Variants in HIVEP1 observed in about 807,000 individuals in gnomAD.
The protein encoded by HIVEP1 is HIVEP zinc finger 1.
HIVEP1 carries 36 observed loss-of-function variants against 180.0 expected under a neutral mutation model. The ratio of observed to expected loss-of-function variants is 0.20; its 90% confidence interval spans 0.15 to 0.26. The LOEUF is 0.26. Ranked by LOEUF, HIVEP1 falls within the 10% of genes least tolerant of loss-of-function variation. HIVEP1 has a pLI of 1.00. For missense variants in HIVEP1, 3,143 were observed against 3,268.7 expected, an observed-to-expected ratio of 0.96 and a Z score of 0.94; for synonymous variants, 1,239 against 1,239.0, an observed-to-expected ratio of 1.00 and a Z score of 0.00.
At chr6:12,203,769 A>C in the HIVEP1 span, among the ~76,000 whole-genome samples, 1 of 152,290 alleles carries the variant, frequency 6.6e-6, no homozygotes, top group Non-Finnish European at 1.5e-5. Context: ...ATCTTGGTAC[A>C]ATTGTGGCTT....
chr6:12,197,153 G>A, the HIVEP1 span, among the ~76,000 whole-genome samples: 1 of 152,142 alleles, frequency 6.6e-6, no homozygotes, highest in Non-Finnish European at 1.5e-5. Context: ...AAGTATGTCT[G>A]GCCTTGTCAA....
intron 3 of HIVEP1, among the ~76,000 whole-genome samples, chr6:12,109,236 G>A (rs183180295): frequency 6.6e-6 from 1 of 151,838 alleles, no homozygotes; most frequent in Non-Finnish European, 1.5e-5. Flanking sequence ...CTCGTGTTCC[G>A]CCCGCCTCAG....
At chr6:12,031,267 GTA>G (rs746433339) in intron 2 of HIVEP1, among the ~76,000 whole-genome samples, 23 of 152,148 alleles carry the variant, frequency 1.5e-4, no homozygotes, top group Non-Finnish European at 2.6e-4. Flanking sequence ...CTTTGTGTGT[GTA>G]TGCCCAGGCT....
At chr6:12,045,482 AG>A (rs1770064036) in intron 2 of HIVEP1, among the ~76,000 whole-genome samples, 1 of 152,252 alleles carries the variant, frequency 6.6e-6, no homozygotes, top group African/African-American at 2.4e-5. Context: ...GGTAGAAAGG[AG>A]GCCCAGGACC....
intron 2 of HIVEP1, chr6:12,020,172 G>A (rs553412017): frequency 5.1e-6 from 2 of 390,648 alleles, no homozygotes; most frequent in South Asian, 1.9e-5. Context: ...TGGTTTTGTT[G>A]AATTCAGTCT....
At chr6:12,029,015 A>G (rs929205971) in intron 2 of HIVEP1, among the ~76,000 whole-genome samples, 1 of 152,222 alleles carries the variant, frequency 6.6e-6, no homozygotes, top group African/African-American at 2.4e-5. Flanking sequence ...GTGTCGTAGC[A>G]TGTATCAGGA....
chr6:12,095,102 A>T (rs988475418), intron 3 of HIVEP1, among the ~76,000 whole-genome samples: 1 of 151,750 alleles, frequency 6.6e-6, no homozygotes, highest in Non-Finnish European at 1.5e-5. Context: ...GTGTGTAGTT[A>T]TGTCTGTTTT....
chr6:12,201,647 CTATTT>C, the HIVEP1 span, among the ~76,000 whole-genome samples: 2 of 152,190 alleles, frequency 1.3e-5, no homozygotes, highest in African/African-American at 4.8e-5. Flanking sequence ...CTCTGATAAC[CTATTT>C]TATCTTCTTC....
the HIVEP1 span, among the ~76,000 whole-genome samples, chr6:12,191,852 G>A: frequency 2.0e-5 from 3 of 152,116 alleles, no homozygotes; most frequent in South Asian, 6.2e-4. Context: ...ATTTTGGCCT[G>A]TGCTTTTGTA....
the HIVEP1 span, among the ~76,000 whole-genome samples, chr6:12,192,382 T>C: frequency 5.9e-5 from 9 of 152,206 alleles, no homozygotes; most frequent in Admixed American, 5.2e-4. Context: ...TGTGTAATGA[T>C]CAAGTTAGGG....
At chr6:12,190,739 G>T in the HIVEP1 span, among the ~76,000 whole-genome samples, 1 of 152,044 alleles carries the variant, frequency 6.6e-6, no homozygotes, top group Non-Finnish European at 1.5e-5. Flanking sequence ...TCCCCAGGAT[G>T]GTAAACTCCT....
chr6:12,153,028 TAAC>T (rs1345579722), intron 7 of HIVEP1, among the ~76,000 whole-genome samples: 14 of 152,354 alleles, frequency 9.2e-5, no homozygotes, highest in Non-Finnish European at 1.6e-4. Flanking sequence ...TGAAATGTCT[TAAC>T]AATTTAAAAT....
Position 12,120,904 on chromosome 6 carries a change from C to A in HIVEP1, c.1109C>A (p.Pro370His). 2 of 1,614,142 alleles carry A rather than the reference C, an allele frequency of 1.2e-6. No individual in the cohort carries two copies. The highest frequency in any genetic ancestry group is 2.2e-5 in the South Asian group (2 of 91,080). The change falls in exon 4 of 9, where the codon CCC (proline) becomes CAC (histidine). Residue 370 changes from proline (P) to histidine (H), a missense_variant. By Grantham distance (77) the Pro-to-His change is moderately conservative. Transcript: ENST00000379388. ...ISPANSTQSP[P>H]MPIYNSTHVA... ...CCGGCTAATTCTACACAGTCGCCCCCCATGCCAATCTATAATTCAACTCAT... is the reference window on the plus strand; with the variant it reads ...CCGGCTAATTCTACACAGTCGCCCCACATGCCAATCTATAATTCAACTCAT...
intron 7 of HIVEP1, among the ~76,000 whole-genome samples, chr6:12,154,823 T>C (rs1759925357): frequency 6.6e-6 from 1 of 152,188 alleles, no homozygotes; most frequent in African/African-American, 2.4e-5. Context: ...GTATAATAAA[T>C]TTTTTAAAAA....
At chr6:12,074,702 A>AT (rs376294102) in intron 2 of HIVEP1, among the ~76,000 whole-genome samples, 40 of 146,734 alleles carry the variant, frequency 2.7e-4, no homozygotes, top group East Asian at 1.6e-3. Flanking sequence ...TGGTCATGAG[A>AT]TTTTTTTTTT....
At chr6:12,028,076 G>A (rs530696594) in intron 2 of HIVEP1, among the ~76,000 whole-genome samples, 7 of 152,306 alleles carry the variant, frequency 4.6e-5, no homozygotes, top group Admixed American at 1.3e-4. Flanking sequence ...GAATTGGATC[G>A]TTAACCTCTT....
chr6:12,129,377 A>G (rs867930796), intron 4 of HIVEP1, among the ~76,000 whole-genome samples: 4 of 152,236 alleles, frequency 2.6e-5, no homozygotes, highest in South Asian at 2.1e-4. Flanking sequence ...TTCCATCTCC[A>G]AAAGTAAACT....
In HIVEP1 at chr6:12,161,306, G is replaced by A. The variant is rs116064977; in HGVS notation, c.6488-133G>A. 2.8e-3 allele frequency: 2,275 copies of A among 818,160 alleles called. 37 individuals carry two copies. The African/African-American group carries it at 0.032, about 11-fold the overall frequency. 50.7% of individuals were successfully genotyped at this position (818,160 alleles called of 1,614,324 possible). Reference sequence around the variant, plus strand: ...TCCCCAGGGCCTTCTCAGCCAGGGCGGAGGCTCGTTGTGGGCAGGGTCCTT... The same window carrying A: ...TCCCCAGGGCCTTCTCAGCCAGGGCAGAGGCTCGTTGTGGGCAGGGTCCTT... On this transcript the variant is annotated intron_variant, in intron 7 of 8. Coordinates refer to ENST00000379388, the MANE Select transcript of HIVEP1 (RefSeq NM_002114.4).
chr6:12,106,352 T>C (rs532445242), intron 3 of HIVEP1, among the ~76,000 whole-genome samples: 2 of 152,254 alleles, frequency 1.3e-5, no homozygotes, highest in African/African-American at 2.4e-5. Context: ...ACTCAAAATA[T>C]TATTTTTTTT....
Sources: gnomAD v4.1 joint callset for allele counts (sites outside exome capture counted in the v4.1 genomes callset) on GRCh38, gnomAD v4.1.1 for gene constraint, MANE v1.5 for transcripts, NCBI Gene and HGNC (gene_info 2026-07-23, HGNC 2026-07-21) for gene names.